The following TSEN15 variants were observed in gnomAD, a reference collection of about 807,000 sequenced individuals.
The protein encoded by TSEN15 is tRNA-splicing endonuclease subunit Sen15.
In TSEN15, 10 loss-of-function variants were observed where a neutral mutation model predicts 20.5. That is an observed-to-expected ratio of 0.49 (90% confidence interval 0.30 to 0.83). The LOEUF (loss-of-function observed/expected upper bound fraction) is 0.83. TSEN15 is among the 40% of genes least tolerant of loss of function. TSEN15 has a pLI of 0.06. For missense variants in TSEN15, 180 were observed against 218.6 expected (o/e 0.82, Z 1.11); for synonymous variants, 72 against 80.1 (o/e 0.90, Z 0.54).
At chr1:184,071,987 T>C (rs1650899696) in intron 3 of TSEN15, 170 bp from the exon 4 acceptor site, 1 of 538,618 alleles carries the variant, frequency 1.9e-6, no homozygotes, top group East Asian at 3.1e-5. Flanking sequence ...TTGAACTTAT[T>C]TGATACTATA....
At chr1:184,090,050 C>T (rs1356315827) in intron 3 of TSEN15, among the ~76,000 whole-genome samples, 3 of 152,152 alleles carry the variant, frequency 2.0e-5, no homozygotes, top group East Asian at 1.9e-4. Flanking sequence ...TTATTCATAA[C>T]AGTCAGACTA....
downstream of TSEN15, among the ~76,000 whole-genome samples, chr1:184,075,631 A>C (rs1243358868): frequency 2.6e-5 from 4 of 152,256 alleles, no homozygotes; most frequent in East Asian, 7.7e-4. Flanking sequence ...GCACTGCTAG[A>C]TAACCACAGC....
In TSEN15 at chr1:184,051,740, C is replaced by T; in HGVS notation, c.-16C>T. 2.8e-6 allele frequency: 4 copies of T among 1,411,728 alleles called. No homozygotes were observed. 87.5% of individuals were successfully genotyped at this position (1,411,728 alleles called of 1,614,324 possible). A position where few individuals can be genotyped will look rare whatever the true frequency, so the allele number is the denominator to read the frequency against. The stretch of plus-strand genomic sequence containing the variant: ...CGCGGGTCGTGGTGCACCACGGGAG[C>T]GCCGCACCGGCCGGCATGGAGGAGC... On this transcript the variant is annotated 5_prime_UTR_variant, in exon 1 of 5. Coordinates refer to ENST00000645668, the MANE Select transcript of TSEN15 (RefSeq NM_052965.4).
downstream of TSEN15, chr1:184,074,290 C>T (rs575224529): frequency 1.3e-4 from 20 of 152,264 alleles, no homozygotes; most frequent in African/African-American, 4.8e-4. Context: ...AAACAGCACA[C>T]ATTTATTATC....
chr1:184,088,951 C>A (rs1651311532), intron 3 of TSEN15, among the ~76,000 whole-genome samples: 1 of 152,178 alleles, frequency 6.6e-6, no homozygotes, highest in Admixed American at 6.5e-5. Context: ...AACTAAAGTG[C>A]CTGCCACAGC....
downstream of TSEN15, among the ~76,000 whole-genome samples, chr1:184,075,910 A>ATATTT (rs760409158): frequency 5.5e-3 from 678 of 123,732 alleles, 4 homozygotes; most frequent in African/African-American, 0.018. Flanking sequence ...ATATATATAT[A>ATATTT]TTTTTTTTTT....
At chr1:184,095,219 C>T (rs763118010) in intron 3 of TSEN15, 4 of 397,326 alleles carry the variant, frequency 1.0e-5, no homozygotes, top group Admixed American at 4.4e-5. Context: ...TTCCTTCTGA[C>T]ACTGCTATGA....
chr1:184,076,369 C>A (rs193212057), downstream of TSEN15, among the ~76,000 whole-genome samples: 203 of 152,138 alleles, frequency 1.3e-3, 1 homozygote, highest in African/African-American at 4.7e-3. Flanking sequence ...TATAAGACAG[C>A]AAACTCAGTT....
At chr1:184,068,917 A>G (rs921338763) in intron 3 of TSEN15, among the ~76,000 whole-genome samples, 1 of 152,232 alleles carries the variant, frequency 6.6e-6, no homozygotes, top group African/African-American at 2.4e-5. Flanking sequence ...CTTTTAACCC[A>G]TGATACATTC....
intron 1 of TSEN15, among the ~76,000 whole-genome samples, chr1:184,052,724 C>G (rs1374873208): frequency 1.3e-5 from 2 of 152,168 alleles, no homozygotes; most frequent in Non-Finnish European, 2.9e-5. Flanking sequence ...TCTTCCTACT[C>G]TGTCCCCTTC....
intron 3 of TSEN15, among the ~76,000 whole-genome samples, chr1:184,089,271 G>T (rs1346029167): frequency 6.6e-6 from 1 of 152,092 alleles, no homozygotes; most frequent in Non-Finnish European, 1.5e-5. Context: ...GTTTCATTGT[G>T]TTTTTCTATT....
At chr1:184,081,587 A>G (rs1651170439) in intron 3 of TSEN15, among the ~76,000 whole-genome samples, 1 of 152,212 alleles carries the variant, frequency 6.6e-6, no homozygotes, top group South Asian at 2.1e-4. Context: ...TCCAGGTAAT[A>G]GAAAGGAGAG....
chr1:184,082,327 G>A (rs1651185558), intron 3 of TSEN15, among the ~76,000 whole-genome samples: 1 of 152,038 alleles, frequency 6.6e-6, no homozygotes, highest in Non-Finnish European at 1.5e-5. Flanking sequence ...ATTTGGTCTG[G>A]TCCTGAACTC....
At chr1:184,054,300 A>T in intron 1 of TSEN15, 54 bp from the exon 2 acceptor site, 1 of 1,188,792 alleles carries the variant, frequency 8.4e-7, no homozygotes, top group Non-Finnish European at 1.2e-6. Context: ...TGATTGGAAG[A>T]AAATATTAAA....
chr1:184,061,891 T>C (rs959764726), intron 3 of TSEN15, among the ~76,000 whole-genome samples: 17 of 152,282 alleles, frequency 1.1e-4, no homozygotes, highest in African/African-American at 4.1e-4. Flanking sequence ...TGAATGACTG[T>C]GAGTGAATGC....
intron 3 of TSEN15, chr1:184,094,411 C>T (rs1651412692): frequency 6.6e-6 from 1 of 152,258 alleles, no homozygotes; most frequent in Non-Finnish European, 1.5e-5. Context: ...CTGGGACTGT[C>T]CTCTTCAGGC....
At chr1:184,064,784 A>G (rs1402437543) in intron 3 of TSEN15, among the ~76,000 whole-genome samples, 1 of 152,210 alleles carries the variant, frequency 6.6e-6, no homozygotes, top group Non-Finnish European at 1.5e-5. Context: ...GCAAATCTGT[A>G]AGGATATAGA....
chr1:184,075,656 CTA>C (rs550128320), downstream of TSEN15, among the ~76,000 whole-genome samples: 203 of 152,162 alleles, frequency 1.3e-3, 1 homozygote, highest in African/African-American at 4.7e-3. Context: ...TCAGACTCTA[CTA>C]AGAGTAGATT....
At chr1:184,094,905 A>G (rs1473254716) in intron 3 of TSEN15, 16 of 397,244 alleles carry the variant, frequency 4.0e-5, no homozygotes, top group Non-Finnish European at 6.7e-5. Flanking sequence ...ACTAGCTCCC[A>G]GGCTGGAGGT....
Sources: allele counts gnomAD v4.1 joint callset (sites outside exome capture counted in the v4.1 genomes callset), GRCh38; gene constraint gnomAD v4.1.1; transcripts MANE v1.5; gene names NCBI Gene and HGNC (gene_info 2026-07-23, HGNC 2026-07-21).